The following DUSP16 variants were observed in gnomAD, a reference collection of about 807,000 sequenced individuals.
The protein encoded by DUSP16 is dual specificity protein phosphatase 16.
In DUSP16, 21 loss-of-function variants were observed where a neutral mutation model predicts 58.3. That is an observed-to-expected ratio of 0.36 (90% CI 0.26 to 0.52). DUSP16 has a LOEUF of 0.52. DUSP16 is among the 20% of genes least tolerant of loss of function. The pLI is 0.94. For missense variants in DUSP16, 726 were observed against 819.0 expected (o/e 0.89, Z 1.39); for synonymous variants, 320 against 323.8 (o/e 0.99, Z 0.12).
intron 3 of DUSP16, among the ~76,000 whole-genome samples, chr12:12,511,854 C>T (rs1033282109): frequency 1.1e-4 from 16 of 151,812 alleles, no homozygotes; most frequent in Non-Finnish European, 1.2e-4. Context: ...GAAGAATATG[C>T]TGGACCTGGT....
rs372432827 is a variant in DUSP16, at chr12:12,488,643, A to G, written c.532-1456T>C. Among the ~76,000 whole-genome samples the G allele has an allele frequency of 3.6e-4, 55 of 152,344 alleles. No homozygotes were observed. The East Asian group carries it at 8.9e-3, about 25-fold the overall frequency. On this transcript the variant is annotated intron_variant, in intron 4 of 6. Coordinates refer to ENST00000298573, the MANE Select transcript of DUSP16 (RefSeq NM_030640.3). ...GGTCATTTCTTCCTTCTCTTGGAAT[A>G]CTACCTTTTCTACAAATCTTTTCCA...
At chr12:12,557,351 G>A (rs1944821373) in intron 1 of DUSP16, among the ~76,000 whole-genome samples, 1 of 151,832 alleles carries the variant, frequency 6.6e-6, no homozygotes, top group African/African-American at 2.4e-5. Flanking sequence ...CAGCTACTCG[G>A]GAGGCTGAGG....
intron 3 of DUSP16, among the ~76,000 whole-genome samples, chr12:12,503,207 G>A (rs1447858537): frequency 6.7e-6 from 1 of 150,260 alleles, no homozygotes; most frequent in Non-Finnish European, 1.5e-5. Context: ...GCACTCAGGA[G>A]GTATCACTGG....
chr12:12,500,069 T>C (rs910903604), intron 4 of DUSP16, among the ~76,000 whole-genome samples: 24 of 152,154 alleles, frequency 1.6e-4, no homozygotes, highest in Middle Eastern at 3.4e-3. Context: ...TTTTAACACC[T>C]TTCCCCACCC....
chr12:12,528,217 C>A (rs186254625), intron 1 of DUSP16, among the ~76,000 whole-genome samples: 24 of 152,292 alleles, frequency 1.6e-4, no homozygotes, highest in African/African-American at 5.1e-4. Flanking sequence ...GTATCCTAGA[C>A]ACACTCCTCC....
At chr12:12,502,692 C>T (rs928303139) in intron 3 of DUSP16, among the ~76,000 whole-genome samples, 10 of 151,532 alleles carry the variant, frequency 6.6e-5, no homozygotes, top group African/African-American at 2.2e-4. Context: ...GCTGGGACTA[C>T]AGGTATGCAC....
chr12:12,559,202 C>G (rs1040252545), intron 1 of DUSP16, among the ~76,000 whole-genome samples: 1 of 152,138 alleles, frequency 6.6e-6, no homozygotes, highest in Non-Finnish European at 1.5e-5. Flanking sequence ...TAGCTTTGGG[C>G]AAGACTTATT....
At chr12:12,521,904 AT>A (rs754156890) in intron 1 of DUSP16, among the ~76,000 whole-genome samples, 1 of 152,154 alleles carries the variant, frequency 6.6e-6, no homozygotes, top group Non-Finnish European at 1.5e-5. Context: ...AAAAAAAAAA[AT>A]ATTTTCTGAA....
rs115473427 is a variant in DUSP16, at chr12:12,548,316, C to T, written c.-366+13801G>A. On this transcript the variant is annotated intron_variant, in intron 1 of 6. Transcript: ENST00000298573. ...GAATCAAAACCACAATGAGGTATCA[C>T]GTCACACCCATTAGGACAGCTAAAA... Among the ~76,000 whole-genome samples the T allele has an allele frequency of 4.0e-3, 616 of 152,260 alleles. 3 individuals carry two copies. The highest frequency in any genetic ancestry group is 0.014 in the African/African-American group (585 of 41,544).
chr12:12,558,882 A>C (rs1944852377), intron 1 of DUSP16, among the ~76,000 whole-genome samples: 1 of 152,240 alleles, frequency 6.6e-6, no homozygotes, highest in East Asian at 1.9e-4. Flanking sequence ...ACTCCTGGCA[A>C]GCTTTTATTA....
In DUSP16 at chr12:12,520,956, A is replaced by G. The variant is rs1944226932; in HGVS notation, c.143T>C (p.Ile48Thr). ...TCGCTTCATAAGCTTGGAGCAGTTGATATTAATGGCTTCCAAAATGTGGGA... is the reference window on the plus strand; with the variant it reads ...TCGCTTCATAAGCTTGGAGCAGTTGGTATTAATGGCTTCCAAAATGTGGGA... ...NTSHILEAIN[I>T]NCSKLMKRRL... Residue 48 changes from isoleucine to threonine, a missense_variant, in exon 2 of 7, where the codon ATC (isoleucine) becomes ACC (threonine). By Grantham distance (89) the Ile-to-Thr change is moderately conservative. Coordinates refer to ENST00000298573, the MANE Select transcript of DUSP16 (RefSeq NM_030640.3). 6.2e-7 allele frequency: 1 copy of G among 1,614,084 alleles called. No individual in the cohort carries two copies. The highest frequency in any genetic ancestry group is 8.5e-7 in the Non-Finnish European group (1 of 1,180,038).
intron 3 of DUSP16, among the ~76,000 whole-genome samples, chr12:12,513,090 G>A (rs1254997082): frequency 6.6e-6 from 1 of 152,104 alleles, no homozygotes. Context: ...ATACATTTTT[G>A]TTCACTCGTA....
At chr12:12,554,677 T>C (rs939844437) in intron 1 of DUSP16, 1 of 143,140 alleles carries the variant, frequency 7.0e-6, no homozygotes, top group Middle Eastern at 4.0e-3. Flanking sequence ...TACATCCATA[T>C]GTATTTTTAA....
chr12:12,543,372 C>T (rs1202504186), intron 1 of DUSP16, among the ~76,000 whole-genome samples: 1 of 151,956 alleles, frequency 6.6e-6, no homozygotes, highest in East Asian at 1.9e-4. Context: ...GAAGAGAGAG[C>T]AAGTAATAAA....
intron 4 of DUSP16, among the ~76,000 whole-genome samples, chr12:12,489,946 T>G (rs1366915821): frequency 2.6e-5 from 4 of 152,236 alleles, no homozygotes; most frequent in African/African-American, 7.2e-5. Flanking sequence ...AGCATTTAAA[T>G]GGACTGTCTC....
intron 1 of DUSP16, among the ~76,000 whole-genome samples, chr12:12,537,752 C>T (rs186145673): frequency 1.7e-4 from 26 of 152,318 alleles, no homozygotes; most frequent in Admixed American, 1.6e-3. Context: ...TTAAGTGTCA[C>T]ATAAGCATCA....
intron 1 of DUSP16, among the ~76,000 whole-genome samples, chr12:12,555,078 C>T (rs1944787953): frequency 6.6e-6 from 1 of 152,208 alleles, no homozygotes; most frequent in South Asian, 2.1e-4. Context: ...CATGGCAATA[C>T]ATATACCTTA....
intron 3 of DUSP16, among the ~76,000 whole-genome samples, chr12:12,516,751 G>A (rs751499858): frequency 3.9e-5 from 6 of 152,166 alleles, no homozygotes; most frequent in African/African-American, 9.7e-5. Context: ...CTTCATCACT[G>A]CTTAATATGC....
rs139779607 is a variant in DUSP16 at position 12,557,913 on chromosome 12, C to T, written c.-366+4204G>A. On this transcript the variant is annotated intron_variant, in intron 1 of 6. Transcript: ENST00000298573. ...ATGGGTGAATACCTTCCGCCTTTCG[C>T]CTCCCCCACTTCCCTCTCTCCATAC... Among the ~76,000 whole-genome samples the T allele has an allele frequency of 6.6e-3, 1,010 of 152,264 alleles. 16 individuals are homozygous for T. The highest frequency in any genetic ancestry group is 0.023 in the African/African-American group (956 of 41,534).
Sources: gnomAD v4.1 joint callset for allele counts (sites outside exome capture counted in the v4.1 genomes callset) on GRCh38, gnomAD v4.1.1 for gene constraint, MANE v1.5 for transcripts, NCBI Gene and HGNC (gene_info 2026-07-23, HGNC 2026-07-21) for gene names.